Variants in DNAH8 observed in about 807,000 individuals in gnomAD.
The protein encoded by DNAH8 is axonemal beta dynein heavy chain 8.
DNAH8 carries 382 observed loss-of-function variants against 562.1 expected under a neutral mutation model. The ratio of observed to expected loss-of-function variants is 0.68; its 90% CI spans 0.63 to 0.74. The LOEUF is 0.74. DNAH8 is among the 30% of genes least tolerant of loss of function. DNAH8 has a pLI of 0.00. For synonymous variants in DNAH8, 1,881 were observed against 1,919.4 expected (o/e 0.98, Z 0.52); for missense variants, 5,203 against 5,620.4 (o/e 0.93, Z 2.37).
intron 76 of DNAH8, among the ~76,000 whole-genome samples, chr6:38,932,238 C>T (rs1415739999): frequency 1.4e-5 from 2 of 143,596 alleles, no homozygotes; most frequent in African/African-American, 5.0e-5. Flanking sequence ...CTACTTCTGT[C>T]TTTAAACTTC....
At chr6:38,787,841 TAGAA>T (rs1269077152) in intron 18 of DNAH8, among the ~76,000 whole-genome samples, 1 of 152,180 alleles carries the variant, frequency 6.6e-6, no homozygotes, top group Non-Finnish European at 1.5e-5. Context: ...AGAAATTCTT[TAGAA>T]AGCCAGTTAA....
At chr6:38,748,708 C>T (rs1321998885) in intron 8 of DNAH8, among the ~76,000 whole-genome samples, 1 of 150,710 alleles carries the variant, frequency 6.6e-6, no homozygotes, top group African/African-American at 2.4e-5. Context: ...GAGCTGAGAT[C>T]GTGCCACTGC....
chr6:38,862,374 A>G lies in DNAH8; in HGVS notation c.6226A>G (p.Met2076Val). The G allele has an allele frequency of 1.2e-6, 2 of 1,614,200 alleles. No individual in the cohort carries two copies. Among genetic ancestry groups the G allele is most frequent in the African/African-American group, 1.3e-5 (1 of 75,068 alleles). ...GTGKTETTKD[M>V]GRCLGKYVVV... ...TGGCAAAACAGAAACCACAAAAGACATGGGAAGGTGTTTGGGAAAATATGT... is the reference window on the plus strand; with the variant it reads ...TGGCAAAACAGAAACCACAAAAGACGTGGGAAGGTGTTTGGGAAAATATGT... Residue 2076 changes from methionine (M) to valine (V), a missense_variant, in exon 44 of 93, where the codon ATG (methionine) becomes GTG (valine). By Grantham distance (21) the Met-to-Val change is conservative (BLOSUM62 1). Coordinates refer to ENST00000327475, the MANE Select transcript of DNAH8 (RefSeq NM_001206927.2).
chr6:38,924,418 A>G (rs971757229), intron 73 of DNAH8, among the ~76,000 whole-genome samples: 30 of 152,046 alleles, frequency 2.0e-4, no homozygotes, highest in African/African-American at 6.8e-4. Context: ...AGGCTGAGGC[A>G]GGAGAATCGC....
intron 43 of DNAH8, among the ~76,000 whole-genome samples, chr6:38,861,815 A>G (rs1257350429): frequency 6.6e-6 from 1 of 152,194 alleles, no homozygotes; most frequent in Non-Finnish European, 1.5e-5. Context: ...TACAGGCGTG[A>G]GCCACCATGC....
At chr6:38,949,714 T>TA (rs1477716207) in intron 81 of DNAH8, 144 bp downstream of exon 81, 1 of 597,140 alleles carries the variant, frequency 1.7e-6, no homozygotes, top group Non-Finnish European at 3.0e-6. Flanking sequence ...CAACCTAATA[T>TA]TATAAGAAAT....
chr6:38,770,658 T>C, intron 12 of DNAH8, 99 bp downstream of exon 12: 2 of 1,118,684 alleles, frequency 1.8e-6, no homozygotes, highest in Non-Finnish European at 2.4e-6. Flanking sequence ...TCCTGATCTC[T>C]TGTCCACTAT....
rs1352239517 is a variant in DNAH8, at chr6:38,854,880, AAT to A, written c.5733+1541_5733+1542del. 2.0e-5 allele frequency among the ~76,000 whole-genome samples: 3 copies of A among 149,416 alleles called. No individual in the cohort carries two copies. The Admixed American group carries it at 2.0e-4, about 10-fold the overall frequency. On this transcript the variant is annotated intron_variant, in intron 41 of 92. Coordinates refer to ENST00000327475, the MANE Select transcript of DNAH8 (RefSeq NM_001206927.2). ...CATATGTATAAAATACTTTGTATTT[AAT>A]ATATATACATATATACATAAATACA...
chr6:38,898,373 T>G lies in DNAH8; in HGVS notation c.9056T>G (p.Leu3019Arg). The change falls in exon 61 of 93, where the codon CTT becomes CGT. Residue 3019 changes from leucine to arginine, a missense_variant. Around this residue, in one of 6 missense-constraint regions of DNAH8, gnomAD observed 977 missense variants for 1,061.8 expected, o/e 0.92. Coordinates refer to ENST00000327475, the MANE Select transcript of DNAH8 (RefSeq NM_001206927.2). The part of the protein sequence containing the change: ...LVFFKDAMTH[L>R]IKISRIIRTS... ...TTTTTTAAAGATGCAATGACTCATC[T>G]TATTAAGGTCCTAACTATTGCCTAT... The G allele has an allele frequency of 6.4e-7, 1 of 1,571,406 alleles. No individual in the cohort carries two copies.
At position 38,911,557 on chromosome 6, in the gene DNAH8, T is replaced by C; in HGVS notation, c.9830T>C (p.Ile3277Thr). ...KNIYAEKVKF[I>T]NEQAERMNIG... Reference sequence around the variant, plus strand: ...ATTTATGCTGAAAAGGTGAAGTTCATTAATGAACAGGCTGAACGTATGAAT... The same window carrying C: ...ATTTATGCTGAAAAGGTGAAGTTCACTAATGAACAGGCTGAACGTATGAAT... Residue 3277 changes from isoleucine (I) to threonine (T), a missense_variant, in exon 66 of 93, where the codon ATT (isoleucine) becomes ACT (threonine). Transcript: ENST00000327475. 1 of 1,610,492 alleles carries C rather than the reference T, an allele frequency of 6.2e-7. No individual in the cohort carries two copies. The highest frequency in any genetic ancestry group is 1.1e-5 in the South Asian group (1 of 90,984).
intron 88 of DNAH8, among the ~76,000 whole-genome samples, chr6:38,993,052 A>T (rs1454390601): frequency 2.0e-5 from 3 of 152,202 alleles, no homozygotes; most frequent in African/African-American, 7.2e-5. Flanking sequence ...CTCAGTGGAT[A>T]GAGCTAGGAA....
chr6:38,853,436 G>A (rs1775926277), intron 41 of DNAH8, 89 bp downstream of exon 41: 2 of 1,401,022 alleles, frequency 1.4e-6, no homozygotes, highest in Admixed American at 2.1e-5. Context: ...GATGGTGTGA[G>A]GCAATTGTAG....
intron 60 of DNAH8, 107 bp downstream of exon 60, chr6:38,896,332 G>C: frequency 1.1e-6 from 1 of 884,018 alleles, no homozygotes; most frequent in Non-Finnish European, 1.7e-6. Flanking sequence ...CCAGCACTTT[G>C]GGAGGCTGAG....
chr6:39,028,632 T>G (rs1314399265), intron 92 of DNAH8, among the ~76,000 whole-genome samples: 2 of 152,220 alleles, frequency 1.3e-5, no homozygotes, highest in Non-Finnish European at 1.5e-5. Context: ...AGGTTCTGGG[T>G]GGACATGAAG....
Position 38,827,733 on chromosome 6 carries a change from CTTTTT to C in DNAH8, c.4084-417_4084-413del, listed in dbSNP as rs562852660. On this transcript the variant is annotated intron_variant, in intron 29 of 92. Transcript: ENST00000327475. ...TGCAAAAGCTTAATTCTTTACCAAA[CTTTTT>C]TTTTTTTTTTTTTTTTTTTTTTTTT... Among the ~76,000 whole-genome samples the C allele has an allele frequency of 2.0e-3, 107 of 52,242 alleles. 42 individuals are homozygous for C. The South Asian group carries it at 0.025, about 12-fold the overall frequency. 34.3% of individuals were successfully genotyped at this position (52,242 alleles called of 152,430 possible).
chr6:38,901,679 G>A (rs1480455430), intron 62 of DNAH8, among the ~76,000 whole-genome samples: 4 of 151,782 alleles, frequency 2.6e-5, no homozygotes, highest in South Asian at 4.2e-4. Context: ...TTTTATTTCC[G>A]TATAAAATTT....
chr6:38,817,148 T>A (rs1320136077), intron 26 of DNAH8, among the ~76,000 whole-genome samples: 3 of 152,052 alleles, frequency 2.0e-5, no homozygotes, highest in Non-Finnish European at 4.4e-5. Flanking sequence ...TTTGATATCA[T>A]CCTGGCCAAC....
chr6:38,994,887 G>A (rs377154124), intron 88 of DNAH8, among the ~76,000 whole-genome samples: 1 of 151,956 alleles, frequency 6.6e-6, no homozygotes, highest in African/African-American at 2.4e-5. Flanking sequence ...CACGTGATCC[G>A]CCAGCCTTGG....
chr6:38,873,330 A>T lies in DNAH8; in HGVS notation c.7574A>T (p.Asn2525Ile). Residue 2525 changes from asparagine (N) to isoleucine (I), a missense_variant, in exon 52 of 93, where the codon AAT becomes ATT. This residue lies in a region of DNAH8 where 977 missense variants were observed against 1,061.8 expected (regional missense o/e 0.92). Transcript: ENST00000327475. ...GATACATACACATATATGAAGCTAA[A>T]TCTCAATCCCAAAATGCAGCTCTTG... is the stretch of plus-strand genomic sequence containing the variant. ...FEDTYTYMKLNLNPKMQLLEC... is the reference protein window; with the variant it reads ...FEDTYTYMKLILNPKMQLLEC... The T allele has an allele frequency of 1.9e-6, 3 of 1,612,464 alleles. No individual in the cohort carries two copies. Among genetic ancestry groups the T allele is most frequent in the Non-Finnish European group, 2.5e-6 (3 of 1,179,678 alleles).
Sources: allele counts gnomAD v4.1 joint callset (sites outside exome capture counted in the v4.1 genomes callset), GRCh38; gene constraint gnomAD v4.1.1; regional missense constraint gnomAD v4.1.1; transcripts MANE v1.5; gene names NCBI Gene and HGNC (gene_info 2026-07-23, HGNC 2026-07-21).